The following IFT57 variants were observed in gnomAD, a reference collection of about 807,000 sequenced individuals.
The protein encoded by IFT57 is intraflagellar transport 57, also known as intraflagellar transport protein 57 homolog.
In IFT57, 59 loss-of-function variants were observed where a neutral mutation model predicts 56.8. The ratio of observed to expected loss-of-function variants is 1.04; its 90% CI spans 0.84 to 1.29. The LOEUF is 1.29. IFT57 is among the 50% of genes most tolerant of loss of function. IFT57 has a pLI of 0.00. For missense variants in IFT57, 470 were observed against 522.1 expected (o/e 0.90, Z 0.97); for synonymous variants, 209 against 186.1 (o/e 1.12, Z -1.00).
In IFT57 at chr3:108,206,111, AT is replaced by A. The variant is rs1471633795; in HGVS notation, c.654+516del. On this transcript the variant is annotated intron_variant, in intron 5 of 10. Coordinates refer to ENST00000264538, the MANE Select transcript of IFT57 (RefSeq NM_018010.4). ...TAATATATATTGATATATAATATAT[AT>A]GGTGAATGTAAAAATATATATCTGA... Among the ~76,000 whole-genome samples the A allele has an allele frequency of 2.2e-5, 3 of 135,214 alleles. No homozygotes were observed. In the East Asian group the frequency reaches 6.1e-4, roughly 27 times the overall value. The allele number at this position is 135,214 out of a possible 152,430, so 88.7% of individuals were successfully genotyped here.
intron 5 of IFT57, among the ~76,000 whole-genome samples, chr3:108,198,901 A>AT (rs1179331263): frequency 1.3e-5 from 2 of 152,094 alleles, no homozygotes; most frequent in East Asian, 3.9e-4. Context: ...TTCCTCACTG[A>AT]TTTGCATTGC....
chr3:108,170,465 G>A (rs2080086772), intron 6 of IFT57, among the ~76,000 whole-genome samples: 2 of 151,874 alleles, frequency 1.3e-5, no homozygotes, highest in African/African-American at 2.4e-5. Flanking sequence ...CCTCTTCAAG[G>A]AGAACTAAAA....
intron 3 of IFT57, among the ~76,000 whole-genome samples, chr3:108,215,156 GAC>G (rs1475405190): frequency 6.6e-6 from 1 of 152,044 alleles, no homozygotes; most frequent in Non-Finnish European, 1.5e-5. Context: ...CAAGATTAAT[GAC>G]ACATTTCCTA....
At chr3:108,202,191 G>A (rs2080282455) in intron 5 of IFT57, among the ~76,000 whole-genome samples, 2 of 152,172 alleles carry the variant, frequency 1.3e-5, no homozygotes, top group Admixed American at 1.3e-4. Context: ...ACTGCGGGAG[G>A]AGAATGACAC....
intron 5 of IFT57, among the ~76,000 whole-genome samples, chr3:108,204,165 G>C (rs2080296011): frequency 6.6e-6 from 1 of 152,220 alleles, no homozygotes; most frequent in Non-Finnish European, 1.5e-5. Context: ...GGCTTTAGTG[G>C]GCAATATCAT....
chr3:108,165,193 C>T (rs2080054680), intron 9 of IFT57, among the ~76,000 whole-genome samples: 2 of 151,954 alleles, frequency 1.3e-5, no homozygotes, highest in South Asian at 4.1e-4. Flanking sequence ...TATAAGTGTG[C>T]TAATATTATG....
intron 5 of IFT57, among the ~76,000 whole-genome samples, chr3:108,195,204 C>T (rs1047228009): frequency 1.3e-5 from 2 of 151,966 alleles, no homozygotes; most frequent in Middle Eastern, 3.2e-3. Flanking sequence ...TACAAATGGC[C>T]AGCAATTATA....
chr3:108,162,247 G>A lies in IFT57; in HGVS notation c.*230C>T, dbSNP rs931196826. On this transcript the variant is annotated 3_prime_UTR_variant, in exon 11 of 11. Coordinates refer to ENST00000264538, the MANE Select transcript of IFT57 (RefSeq NM_018010.4). ...CCACCAGGTGGGAGCTTTAACATAG[G>A]TAATGATTAGTGAAAGCTTCTTAGA... 2.7e-6 allele frequency: 1 copy of A among 366,806 alleles called. No homozygotes were observed. Among genetic ancestry groups the A allele is most frequent in the Non-Finnish European group, 4.9e-6 (1 of 203,530 alleles). The allele number at this position is 366,806 out of a possible 1,614,324, so 22.7% of individuals were successfully genotyped here. A position where few individuals can be genotyped will look rare whatever the true frequency, so the allele number is the denominator to read the frequency against.
chr3:108,164,837 G>A (rs2108307061), intron 9 of IFT57, among the ~76,000 whole-genome samples: 1 of 152,040 alleles, frequency 6.6e-6, no homozygotes. Context: ...TTGGATTTTA[G>A]TCCCAAATAA....
intron 3 of IFT57, among the ~76,000 whole-genome samples, chr3:108,217,207 C>T (rs2080377977): frequency 6.6e-6 from 1 of 151,862 alleles, no homozygotes; most frequent in Admixed American, 6.6e-5. Context: ...ACATTGTACT[C>T]CAAAATTTGC....
chr3:108,188,520 T>C (rs889840023), intron 6 of IFT57, among the ~76,000 whole-genome samples: 1 of 152,084 alleles, frequency 6.6e-6, no homozygotes, highest in Non-Finnish European at 1.5e-5. Flanking sequence ...ACCACAAAGA[T>C]CTAAATTCAA....
At chr3:108,207,297 A>T (rs1462019454) in intron 4 of IFT57, among the ~76,000 whole-genome samples, 1 of 152,152 alleles carries the variant, frequency 6.6e-6, no homozygotes, top group Non-Finnish European at 1.5e-5. Flanking sequence ...GACCAATTGG[A>T]TGTAGAGGGC....
chr3:108,204,340 G>T (rs1344516141), intron 5 of IFT57, among the ~76,000 whole-genome samples: 2 of 152,120 alleles, frequency 1.3e-5, no homozygotes, highest in African/African-American at 4.8e-5. Context: ...TTTGTCCAAA[G>T]AATCTAATAC....
At chr3:108,181,575 G>C (rs2080151218) in intron 6 of IFT57, among the ~76,000 whole-genome samples, 1 of 152,092 alleles carries the variant, frequency 6.6e-6, no homozygotes, top group Non-Finnish European at 1.5e-5. Flanking sequence ...ATGTATGTGT[G>C]TCTAGTTAAT....
At chr3:108,166,287 T>A (rs1433407825) in intron 8 of IFT57, among the ~76,000 whole-genome samples, 3 of 152,076 alleles carry the variant, frequency 2.0e-5, no homozygotes, top group African/African-American at 7.2e-5. Flanking sequence ...TTTAGATCCC[T>A]ACTGCTGGGA....
chr3:108,215,313 G>C (rs2080365589), intron 3 of IFT57, among the ~76,000 whole-genome samples: 1 of 152,052 alleles, frequency 6.6e-6, no homozygotes, highest in East Asian at 1.9e-4. Flanking sequence ...TATAATCCCA[G>C]CACTTTGGGA....
intron 5 of IFT57, among the ~76,000 whole-genome samples, chr3:108,192,029 G>A (rs527645293): frequency 1.3e-4 from 19 of 151,792 alleles, no homozygotes; most frequent in African/African-American, 4.1e-4. Context: ...CACTTAAATC[G>A]GGCATGGTGG....
At chr3:108,206,603 C>A in intron 5 of IFT57, 25 bp downstream of exon 5, 1 of 1,128,468 alleles carries the variant, frequency 8.9e-7, no homozygotes, top group Non-Finnish European at 1.2e-6. Context: ...GCTTGTTGGT[C>A]CTGCATGTAT....
intron 5 of IFT57, among the ~76,000 whole-genome samples, chr3:108,193,637 C>A (rs1002212655): frequency 6.6e-6 from 1 of 152,120 alleles, no homozygotes. Context: ...TATATTGGAT[C>A]TAGGGTAGCC....
Sources: gnomAD v4.1 joint callset for allele counts (sites outside exome capture counted in the v4.1 genomes callset) on GRCh38, gnomAD v4.1.1 for gene constraint, MANE v1.5 for transcripts, NCBI Gene and HGNC (gene_info 2026-07-23, HGNC 2026-07-21) for gene names.